The following IGF1R variants were observed in gnomAD, a reference collection of about 807,000 sequenced individuals.
IGF1R encodes the protein insulin like growth factor 1 receptor.
A neutral mutation model predicts 144.6 loss-of-function variants in IGF1R; 44 were observed. That is an observed-to-expected ratio of 0.30 (90% CI 0.24 to 0.39). The LOEUF is 0.39. IGF1R is among the 10% of genes least tolerant of loss of function. The pLI is 1.00. For missense variants in IGF1R, 1,355 were observed against 1,833.7 expected (o/e 0.74, Z 4.77); for synonymous variants, 795 against 722.8 (o/e 1.10, Z -1.60).
At chr15:98,773,898 G>C (rs2141377264) in intron 2 of IGF1R, among the ~76,000 whole-genome samples, 1 of 152,274 alleles carries the variant, frequency 6.6e-6, no homozygotes, top group East Asian at 1.9e-4. Flanking sequence ...GACAGGATTG[G>C]CACAATCACT....
At chr15:98,829,368 T>TAA (rs34595229) in intron 2 of IGF1R, among the ~76,000 whole-genome samples, 201 of 147,530 alleles carry the variant, frequency 1.4e-3, no homozygotes, top group South Asian at 2.4e-3. Flanking sequence ...GCTATTACTT[T>TAA]AAAAAAAAAA....
intron 4 of IGF1R, among the ~76,000 whole-genome samples, chr15:98,898,931 A>G (rs1003366666): frequency 1.3e-5 from 2 of 152,266 alleles, no homozygotes; most frequent in African/African-American, 4.8e-5. Context: ...AAAATTTAGC[A>G]ATGCAGAAAT....
chr15:98,785,755 C>G (rs2055977472), intron 2 of IGF1R, among the ~76,000 whole-genome samples: 1 of 152,030 alleles, frequency 6.6e-6, no homozygotes, highest in South Asian at 2.1e-4. Context: ...TTCCTTGGAG[C>G]TCAGGAAGTG....
rs189259907 is a variant in IGF1R, at chr15:98,837,222, A to T, written c.641-54103A>T. Among the ~76,000 whole-genome samples the T allele has an allele frequency of 2.4e-3, 367 of 152,106 alleles. 3 individuals carry two copies. The highest frequency in any genetic ancestry group is 8.3e-3 in the African/African-American group (346 of 41,504). Reference sequence around the variant, plus strand: ...TAGCTAGTGTGCACCATCACTAATTAGTGCCCCACCAGTTTTGTTTGTTTG... The same window carrying T: ...TAGCTAGTGTGCACCATCACTAATTTGTGCCCCACCAGTTTTGTTTGTTTG... On this transcript the variant is annotated intron_variant, in intron 2 of 20. Coordinates refer to ENST00000650285, the MANE Select transcript of IGF1R (RefSeq NM_000875.5).
intron 2 of IGF1R, among the ~76,000 whole-genome samples, chr15:98,788,052 CTCTCTCTCTCTG>C (rs1286934810): frequency 1.4e-4 from 20 of 139,564 alleles, no homozygotes; most frequent in Admixed American, 1.2e-3. Context: ...CTCTCTCTCT[CTCTCTCTCTCTG>C]TGTGTGTGTG....
At chr15:98,829,273 C>T (rs1452890061) in intron 2 of IGF1R, among the ~76,000 whole-genome samples, 1 of 151,966 alleles carries the variant, frequency 6.6e-6, no homozygotes, top group East Asian at 1.9e-4. Flanking sequence ...TTTCGTGTTA[C>T]ACATGTCTGA....
At chr15:98,844,897 T>G (rs1181337345) in intron 2 of IGF1R, among the ~76,000 whole-genome samples, 1 of 152,222 alleles carries the variant, frequency 6.6e-6, no homozygotes, top group African/African-American at 2.4e-5. Context: ...AGAGTATGCT[T>G]CAACTATAAT....
At chr15:98,954,712 A>G (rs949738720) in intron 20 of IGF1R, among the ~76,000 whole-genome samples, 4 of 152,218 alleles carry the variant, frequency 2.6e-5, no homozygotes, top group Non-Finnish European at 5.9e-5. Flanking sequence ...GCTTCTGCCC[A>G]GGGGTAAGTC....
At chr15:98,715,154 G>A (rs1265936115) in intron 2 of IGF1R, among the ~76,000 whole-genome samples, 1 of 152,168 alleles carries the variant, frequency 6.6e-6, no homozygotes, top group Non-Finnish European at 1.5e-5. Flanking sequence ...TTATAGTCAG[G>A]CGTGGAGCTC....
chr15:98,895,261 CACACACAG>C (rs1176805921), intron 3 of IGF1R, among the ~76,000 whole-genome samples: 4 of 123,750 alleles, frequency 3.2e-5, no homozygotes, highest in African/African-American at 8.4e-5. Flanking sequence ...CACACACACA[CACACACAG>C]AGTTAATTTC....
In IGF1R at chr15:98,961,451, AC is replaced by A. The variant is rs1385786508; in HGVS notation, c.*4011del. On this transcript the variant is annotated 3_prime_UTR_variant, in exon 21 of 21. Transcript: ENST00000650285. ...TGTGATGGTGCAGTCACTTTACTGG[AC>A]CAACCCACCCACCTTGACTATACCA... The A allele has an allele frequency of 4.3e-6, 1 of 233,304 alleles. No homozygotes were observed. Among genetic ancestry groups the A allele is most frequent in the Non-Finnish European group, 8.5e-6 (1 of 118,018 alleles). The allele number at this position is 233,304 out of a possible 1,614,324, so 14.5% of individuals were successfully genotyped here.
At chr15:98,854,320 CCA>C (rs757397756) in intron 2 of IGF1R, among the ~76,000 whole-genome samples, 3 of 152,144 alleles carry the variant, frequency 2.0e-5, no homozygotes, top group Non-Finnish European at 4.4e-5. Context: ...GGTGCTTTCG[CCA>C]CAGTGAGCCT....
intron 2 of IGF1R, among the ~76,000 whole-genome samples, chr15:98,865,044 C>T (rs571375200): frequency 2.4e-4 from 36 of 152,198 alleles, no homozygotes; most frequent in Non-Finnish European, 4.0e-4. Flanking sequence ...AGAAAAGAAT[C>T]GTAGGCATCT....
At chr15:98,904,542 T>C (rs2014638119) in intron 5 of IGF1R, among the ~76,000 whole-genome samples, 2 of 152,156 alleles carry the variant, frequency 1.3e-5, no homozygotes, top group African/African-American at 2.4e-5. Context: ...GGACATGATA[T>C]AAACCAGCCT....
At chr15:98,940,735 C>G (rs534562311) in intron 18 of IGF1R, among the ~76,000 whole-genome samples, 2 of 152,210 alleles carry the variant, frequency 1.3e-5, no homozygotes, top group African/African-American at 4.8e-5. Context: ...GGGTGAGTGT[C>G]TTTCTTTTTA....
intron 2 of IGF1R, among the ~76,000 whole-genome samples, chr15:98,862,266 A>G (rs528187262): frequency 8.5e-5 from 13 of 152,380 alleles, no homozygotes; most frequent in African/African-American, 2.4e-4. Context: ...AGTTCTCACT[A>G]CATTTGAAGA....
At position 98,961,769 on chromosome 15, in the gene IGF1R, T is replaced by C. The variant is rs2151745965; in HGVS notation, c.*4327T>C. The stretch of plus-strand genomic sequence containing the variant: ...AGACCCAGACCACCCCAGGTCTCCT[T>C]CGTGGGATGTCATGACGTTTGACAT... On this transcript the variant is annotated 3_prime_UTR_variant, in exon 21 of 21. Transcript: ENST00000650285. The C allele has an allele frequency of 8.6e-6, 2 of 233,466 alleles. No homozygotes were observed. Among genetic ancestry groups the C allele is most frequent in the Middle Eastern group, 1.3e-3 (1 of 786 alleles). The allele number at this position is 233,466 out of a possible 1,614,324, so 14.5% of individuals were successfully genotyped here. A position where few individuals can be genotyped will look rare whatever the true frequency, so the allele number is the denominator to read the frequency against.
chr15:98,915,840 T>G, intron 8 of IGF1R, 124 bp from the exon 9 acceptor site: 1 of 858,884 alleles, frequency 1.2e-6, no homozygotes, highest in Non-Finnish European at 2.0e-6. Flanking sequence ...TTGTATTTCA[T>G]TGTTCATTGT....
intron 2 of IGF1R, among the ~76,000 whole-genome samples, chr15:98,720,089 A>T (rs2054212266): frequency 1.3e-5 from 2 of 152,300 alleles, no homozygotes; most frequent in African/African-American, 4.8e-5. Context: ...TGAAGCATGG[A>T]CTTTCAGATG....
Sources: allele counts gnomAD v4.1 joint callset (sites outside exome capture counted in the v4.1 genomes callset), GRCh38; gene constraint gnomAD v4.1.1; transcripts MANE v1.5; gene names NCBI Gene and HGNC (gene_info 2026-07-23, HGNC 2026-07-21).